The following CES5A variants were observed in gnomAD, a reference collection of about 807,000 sequenced individuals.
CES5A encodes the protein carboxylesterase 5A.
In CES5A, 67 loss-of-function variants were observed where a neutral mutation model predicts 62.9. That is an observed-to-expected ratio of 1.07 (90% CI 0.88 to 1.31). CES5A has a LOEUF of 1.31. Among genes scored for constraint, CES5A ranks in the 50% most tolerant of loss-of-function variants. The probability of loss-of-function intolerance (pLI) is 0.00; values close to 1 mark genes in which losing one functional copy is unlikely to be tolerated. For missense variants in CES5A, 748 were observed against 708.5 expected (o/e 1.06, Z -0.63); for synonymous variants, 296 against 280.8 (o/e 1.05, Z -0.54).
intron 1 of CES5A, among the ~76,000 whole-genome samples, chr16:55,913,037 G>GT (rs2034110560): frequency 6.6e-6 from 1 of 152,172 alleles, no homozygotes; most frequent in Non-Finnish European, 1.5e-5. Flanking sequence ...AATGGAGAAA[G>GT]AGTAATTCAT....
intron 2 of CES5A, among the ~76,000 whole-genome samples, chr16:55,933,382 G>A (rs2034334276): frequency 6.6e-6 from 1 of 152,196 alleles, no homozygotes; most frequent in South Asian, 2.1e-4. Flanking sequence ...TAGATCAGAT[G>A]TAGGGATTTG....
upstream of CES5A, among the ~76,000 whole-genome samples, chr16:55,879,072 G>T (rs1378512236): frequency 7.5e-6 from 1 of 132,758 alleles, no homozygotes; most frequent in African/African-American, 2.9e-5. Flanking sequence ...CCCCATCACT[G>T]CACCTCCATC....
chr16:55,929,793 G>A (rs905891628), upstream of CES5A, among the ~76,000 whole-genome samples: 6 of 152,118 alleles, frequency 3.9e-5, no homozygotes, highest in Admixed American at 2.0e-4. Flanking sequence ...TTTTGCTCAC[G>A]ATGGAATGTT....
intron 5 of CES5A, among the ~76,000 whole-genome samples, chr16:55,864,642 C>T (rs2033418301): frequency 6.6e-6 from 1 of 152,154 alleles, no homozygotes; most frequent in African/African-American, 2.4e-5. Flanking sequence ...CGCCTGTAAT[C>T]CCAGCACTTT....
At chr16:55,871,360 G>C (rs1346060721) in intron 3 of CES5A, among the ~76,000 whole-genome samples, 1 of 152,134 alleles carries the variant, frequency 6.6e-6, no homozygotes, top group Non-Finnish European at 1.5e-5. Flanking sequence ...TTTTCTGAAA[G>C]CTTTCAGGTC....
upstream of CES5A, among the ~76,000 whole-genome samples, chr16:55,877,424 A>G (rs565520895): frequency 3.1e-4 from 46 of 149,302 alleles, no homozygotes; most frequent in Non-Finnish European, 1.0e-4. Context: ...GTGTGTGTAT[A>G]TATATATATG....
intron 2 of CES5A, among the ~76,000 whole-genome samples, chr16:55,932,058 A>T (rs2034318860): frequency 1.3e-5 from 2 of 152,210 alleles, no homozygotes; most frequent in South Asian, 2.1e-4. Context: ...GGATAAATGG[A>T]TTGATGGGTT....
At chr16:55,921,666 A>C (rs1456720486) in intron 1 of CES5A, among the ~76,000 whole-genome samples, 1 of 137,618 alleles carries the variant, frequency 7.3e-6, no homozygotes, top group Non-Finnish European at 1.5e-5. Context: ...ATTGAAGTGC[A>C]AAAAAAAAAA....
intron 1 of CES5A, among the ~76,000 whole-genome samples, chr16:55,892,720 ACAAC>A (rs765220550): frequency 1.3e-5 from 2 of 149,478 alleles, no homozygotes. Context: ...AACAACAACA[ACAAC>A]AAAAAAAAAT....
chr16:55,875,304 C>T lies in CES5A; in HGVS notation c.-83G>A. ...TCAGTTGGGAGCCAGAAAGAGCTTC[C>T]TGTTAACAGGCAAATGCTGAATAGG... On this transcript the variant is annotated 5_prime_UTR_variant, in exon 1 of 13. Coordinates refer to ENST00000290567, the MANE Select transcript of CES5A (RefSeq NM_001143685.2). 5 of 1,570,136 alleles carry T rather than the reference C, an allele frequency of 3.2e-6. No homozygotes were observed. Among genetic ancestry groups the T allele is most frequent in the Non-Finnish European group, 4.3e-6 (5 of 1,161,296 alleles).
intron 1 of CES5A, among the ~76,000 whole-genome samples, chr16:55,886,592 G>A (rs1306807543): frequency 1.3e-5 from 2 of 152,138 alleles, no homozygotes; most frequent in Admixed American, 6.5e-5. Flanking sequence ...ATACTGCTCC[G>A]AATGCCCACT....
chr16:55,919,022 C>G (rs1331045094), intron 1 of CES5A, among the ~76,000 whole-genome samples: 6 of 152,216 alleles, frequency 3.9e-5, no homozygotes, highest in Admixed American at 3.9e-4. Flanking sequence ...AGATTTCATC[C>G]TGGAGCCTTG....
intron 10 of CES5A, among the ~76,000 whole-genome samples, chr16:55,851,562 G>A (rs2033134017): frequency 6.6e-6 from 1 of 152,166 alleles, no homozygotes; most frequent in South Asian, 2.1e-4. Context: ...AATGTAAAAT[G>A]GTGCAGACAC....
At chr16:55,859,898 C>G (rs1291844900) in intron 7 of CES5A, among the ~76,000 whole-genome samples, 1 of 152,192 alleles carries the variant, frequency 6.6e-6, no homozygotes, top group Non-Finnish European at 1.5e-5. Flanking sequence ...CTAAACTTGT[C>G]TGTGCCTTAT....
At chr16:55,898,801 T>G (rs1422217176) in intron 1 of CES5A, among the ~76,000 whole-genome samples, 1 of 152,170 alleles carries the variant, frequency 6.6e-6, no homozygotes, top group Non-Finnish European at 1.5e-5. Context: ...GACCAGGGCA[T>G]GGTGGTCCCA....
chr16:55,919,947 G>T (rs1048002238), intron 1 of CES5A, among the ~76,000 whole-genome samples: 5 of 152,116 alleles, frequency 3.3e-5, no homozygotes, highest in African/African-American at 1.2e-4. Context: ...GAAAACTGAG[G>T]TTCAGAAATA....
At chr16:55,888,642 G>A (rs1597136128) in intron 1 of CES5A, among the ~76,000 whole-genome samples, 1 of 152,164 alleles carries the variant, frequency 6.6e-6, no homozygotes, top group South Asian at 2.1e-4. Flanking sequence ...GCTTTTCGGG[G>A]AATCCAGACT....
rs533069870 is a variant in CES5A, at chr16:55,942,377, TG to T, written c.160+7407del. ...GAATTCCTACAAATCAACAATAAAA[TG>T]GCAAGCTACCTTTTTTAAACTGGGC... On this transcript the variant is annotated intron_variant, in intron 2 of 13. Coordinates refer to the CES5A transcript ENST00000521992. 1.4e-3 allele frequency among the ~76,000 whole-genome samples: 219 copies of T among 152,296 alleles called. 1 individual carries two copies. Among genetic ancestry groups the T allele is most frequent in the African/African-American group, 5.1e-3 (214 of 41,568 alleles).
At chr16:55,897,347 C>T (rs373737879) in intron 1 of CES5A, among the ~76,000 whole-genome samples, 21 of 152,218 alleles carry the variant, frequency 1.4e-4, no homozygotes, top group African/African-American at 4.8e-4. Context: ...TGCCAAGATG[C>T]TCCCAGGGGT....
Sources: gnomAD v4.1 joint callset for allele counts (sites outside exome capture counted in the v4.1 genomes callset) on GRCh38, gnomAD v4.1.1 for gene constraint, MANE v1.5 for transcripts, NCBI Gene and HGNC (gene_info 2026-07-23, HGNC 2026-07-21) for gene names.